RIMKLB: variants seen among roughly 807,000 people sequenced by gnomAD.
The protein encoded by RIMKLB is ribosomal modification protein rimK like family member B, also known as beta-citrylglutamate synthase B.
Under a neutral mutation model 32.0 loss-of-function variants are expected in RIMKLB, and 7 were observed. The ratio of observed to expected loss-of-function variants is 0.22; its 90% CI spans 0.12 to 0.41. RIMKLB has a LOEUF of 0.41. RIMKLB is among the 10% of genes least tolerant of loss of function. The probability of loss-of-function intolerance (pLI) is 1.00; values close to 1 mark genes in which losing one functional copy is unlikely to be tolerated. For synonymous variants in RIMKLB, 172 were observed against 185.1 expected (o/e 0.93, Z 0.57); for missense variants, 289 against 498.7 (o/e 0.58, Z 4.00).
At chr12:8,762,699 G>A (rs1949628908) in intron 5 of RIMKLB, among the ~76,000 whole-genome samples, 1 of 152,116 alleles carries the variant, frequency 6.6e-6, no homozygotes, top group Non-Finnish European at 1.5e-5. Flanking sequence ...TCTAATTCTA[G>A]TGCCTGAATG....
At chr12:8,770,287 C>T (rs1205245273) in intron 5 of RIMKLB, among the ~76,000 whole-genome samples, 1 of 152,166 alleles carries the variant, frequency 6.6e-6, no homozygotes, top group Non-Finnish European at 1.5e-5. Context: ...TTTGTATATA[C>T]TAGTGAACAA....
rs1485211060 is a variant in RIMKLB, at chr12:8,774,082, T to TA, written c.*299dup. 7.2e-6 allele frequency: 8 copies of TA among 1,103,758 alleles called. No individual in the cohort carries two copies. Among genetic ancestry groups the TA allele is most frequent in the Non-Finnish European group, 8.8e-6 (8 of 905,396 alleles). The allele number at this position is 1,103,758 out of a possible 1,614,324, so 68.4% of individuals were successfully genotyped here. On this transcript the variant is annotated 3_prime_UTR_variant, in exon 6 of 6. Transcript: ENST00000535829. The stretch of plus-strand genomic sequence containing the variant: ...ATGCTCATAGGCCATGAGGAACAAA[T>TA]ACTTTTTTTTTTTCATGGTCCCTTG...
intron 5 of RIMKLB, among the ~76,000 whole-genome samples, chr12:8,768,199 G>C (rs971153477): frequency 5.3e-5 from 8 of 152,236 alleles, no homozygotes; most frequent in African/African-American, 1.9e-4. Flanking sequence ...CAGGCACTTA[G>C]TTGTGCAGGA....
chr12:8,750,826 T>C (rs1948564411), intron 3 of RIMKLB, among the ~76,000 whole-genome samples: 1 of 152,166 alleles, frequency 6.6e-6, no homozygotes, highest in Admixed American at 6.5e-5. Context: ...CTTTAAACAA[T>C]ATTTTGCTAA....
chr12:8,685,007 T>A (rs1449790945), intron 1 of RIMKLB, among the ~76,000 whole-genome samples: 1 of 152,240 alleles, frequency 6.6e-6, no homozygotes, highest in African/African-American at 2.4e-5. Context: ...ATCCTGCAAT[T>A]GTGCTAGAAT....
chr12:8,756,235 T>G (rs1949012508), intron 5 of RIMKLB, among the ~76,000 whole-genome samples: 1 of 151,884 alleles, frequency 6.6e-6, no homozygotes, highest in African/African-American at 2.4e-5. Flanking sequence ...GCAGAAAGAT[T>G]GCTTGAGCCT....
rs113774735 is a variant in RIMKLB at position 8,732,756 on chromosome 12, T to C, written c.176-17106T>C. On this transcript the variant is annotated intron_variant, in intron 2 of 5. Transcript: ENST00000535829. ...CATGCAACAGAAAATTATATATATATACACACACACACACACACACACACA... is the reference window on the plus strand; with the variant it reads ...CATGCAACAGAAAATTATATATATACACACACACACACACACACACACACA... Among the ~76,000 whole-genome samples the C allele has an allele frequency of 2.9e-3, 441 of 150,132 alleles. 4 individuals are homozygous for C. Among genetic ancestry groups the C allele is most frequent in the African/African-American group, 0.01 (419 of 40,306 alleles).
chr12:8,680,847 A>C (rs1565535019), upstream of RIMKLB, among the ~76,000 whole-genome samples: 1 of 152,132 alleles, frequency 6.6e-6, no homozygotes, highest in African/African-American at 2.4e-5. Flanking sequence ...CTTGACCTTC[A>C]TCTATTACGG....
chr12:8,704,638 T>C (rs1943690816), intron 1 of RIMKLB, among the ~76,000 whole-genome samples: 1 of 152,172 alleles, frequency 6.6e-6, no homozygotes, highest in African/African-American at 2.4e-5. Context: ...GCACGTCTGT[T>C]AAGTGTTCCC....
chr12:8,742,899 A>G (rs1591837374), intron 2 of RIMKLB: 1 of 169,314 alleles, frequency 5.9e-6, no homozygotes, highest in East Asian at 1.6e-4. Flanking sequence ...CACTGTGTGG[A>G]CATTGGCATC....
chr12:8,729,054 C>CA (rs1271041059), intron 2 of RIMKLB, among the ~76,000 whole-genome samples: 1 of 152,084 alleles, frequency 6.6e-6, no homozygotes, highest in African/African-American at 2.4e-5. Context: ...CTGGCAAGAG[C>CA]AAACTTCATA....
At chr12:8,670,950 C>T in the RIMKLB span, among the ~76,000 whole-genome samples, 1 of 152,248 alleles carries the variant, frequency 6.6e-6, no homozygotes, top group Non-Finnish European at 1.5e-5. Context: ...CTTGGGGCTT[C>T]CACCCTCCGA....
chr12:8,698,777 C>G (rs968723420), intron 1 of RIMKLB, among the ~76,000 whole-genome samples: 4 of 151,604 alleles, frequency 2.6e-5, no homozygotes, highest in African/African-American at 9.7e-5. Context: ...CCCGCAGCTA[C>G]TGTATTCGAT....
chr12:8,693,683 A>G (rs1323714960), upstream of RIMKLB, among the ~76,000 whole-genome samples: 3 of 152,012 alleles, frequency 2.0e-5, no homozygotes, highest in Non-Finnish European at 4.4e-5. Context: ...CACATGGGAG[A>G]CACCACACCG....
intron 5 of RIMKLB, among the ~76,000 whole-genome samples, chr12:8,768,733 G>A (rs1374386419): frequency 6.6e-6 from 1 of 152,148 alleles, no homozygotes; most frequent in South Asian, 2.1e-4. Flanking sequence ...TAATTGCCCT[G>A]TTAAAGTTTG....
At chr12:8,723,718 T>C (rs1019377322) in intron 2 of RIMKLB, among the ~76,000 whole-genome samples, 1 of 152,054 alleles carries the variant, frequency 6.6e-6, no homozygotes, top group African/African-American at 2.4e-5. Context: ...CCTTTTGTCT[T>C]TCTCTACTCC....
intron 2 of RIMKLB, among the ~76,000 whole-genome samples, chr12:8,720,894 C>A (rs7970045): frequency 6.6e-6 from 1 of 152,078 alleles, no homozygotes; most frequent in Non-Finnish European, 1.5e-5. Context: ...TAGCTAGACA[C>A]AAAGTGAGAC....
chr12:8,761,282 A>G (rs975230336), intron 5 of RIMKLB, among the ~76,000 whole-genome samples: 2 of 151,974 alleles, frequency 1.3e-5, no homozygotes, highest in African/African-American at 4.8e-5. Flanking sequence ...CAAAAAAAAA[A>G]AAAAAAAAAG....
At chr12:8,748,532 G>GTGTA (rs1948317496) in intron 2 of RIMKLB, among the ~76,000 whole-genome samples, 1 of 108,412 alleles carries the variant, frequency 9.2e-6, no homozygotes, top group Non-Finnish European at 2.1e-5. Flanking sequence ...GTGTGTGTGT[G>GTGTA]TGTGTGTGTG....
Sources: gnomAD v4.1 joint callset for allele counts (sites outside exome capture counted in the v4.1 genomes callset) on GRCh38, gnomAD v4.1.1 for gene constraint, MANE v1.5 for transcripts, NCBI Gene and HGNC (gene_info 2026-07-23, HGNC 2026-07-21) for gene names.